Variants in C12orf42 observed in about 807,000 individuals in gnomAD.
C12orf42 encodes the protein uncharacterized protein C12orf42.
In C12orf42, 25 loss-of-function variants were observed where a neutral mutation model predicts 21.6. That is an observed-to-expected ratio of 1.16 (90% CI 0.84 to 1.62). The LOEUF (loss-of-function observed/expected upper bound fraction) is 1.62. C12orf42 is among the 40% of genes most tolerant of loss of function. C12orf42 has a pLI of 0.00. For synonymous variants in C12orf42, 174 were observed against 175.0 expected (o/e 0.99, Z 0.05); for missense variants, 483 against 459.3 (o/e 1.05, Z -0.47).
At chr12:103,213,387 T>C in the C12orf42 span, among the ~76,000 whole-genome samples, 1 of 152,184 alleles carries the variant, frequency 6.6e-6, no homozygotes, top group Admixed American at 6.5e-5. Flanking sequence ...AAAAATTTTG[T>C]AAATCTCTTT....
chr12:103,345,064 CTG>C, intron 4 of C12orf42, among the ~76,000 whole-genome samples: 1 of 152,192 alleles, frequency 6.6e-6, no homozygotes, highest in Non-Finnish European at 1.5e-5. Context: ...TTTATAAGCA[CTG>C]TGACCTCAGT....
chr12:103,454,375 G>C (rs534946216), intron 2 of C12orf42, among the ~76,000 whole-genome samples: 1 of 152,160 alleles, frequency 6.6e-6, no homozygotes, highest in East Asian at 1.9e-4. Flanking sequence ...ATAATCTTAA[G>C]TCATTAAGAA....
intron 10 of C12orf42, among the ~76,000 whole-genome samples, chr12:103,244,253 A>T (rs758357883): frequency 5.9e-5 from 9 of 152,088 alleles, no homozygotes; most frequent in African/African-American, 9.7e-5. Context: ...TGTCAACCTA[A>T]CAAGGGCTCT....
At chr12:103,452,855 A>C (rs1175102305) in intron 2 of C12orf42, among the ~76,000 whole-genome samples, 1 of 151,758 alleles carries the variant, frequency 6.6e-6, no homozygotes, top group African/African-American at 2.4e-5. Flanking sequence ...GAAGAGGAAC[A>C]TCACACACTG....
chr12:103,525,479 T>C, the C12orf42 span, among the ~76,000 whole-genome samples: 1 of 152,206 alleles, frequency 6.6e-6, no homozygotes, highest in African/African-American at 2.4e-5. Flanking sequence ...ATGTTGATGA[T>C]GGTGATGATG....
chr12:103,114,624 C>G, the C12orf42 span, among the ~76,000 whole-genome samples: 2 of 152,140 alleles, frequency 1.3e-5, no homozygotes, highest in Admixed American at 6.5e-5. Flanking sequence ...TGCCCCTCAG[C>G]TTTGTATATT....
chr12:103,406,280 G>A (rs2048420682), intron 2 of C12orf42, among the ~76,000 whole-genome samples: 1 of 152,178 alleles, frequency 6.6e-6, no homozygotes, highest in African/African-American at 2.4e-5. Flanking sequence ...AAGCTCCCAG[G>A]TGATGTTGGT....
chr12:103,294,473 A>AGAAAGAAAGAAAGAAG (rs1566025507), intron 4 of C12orf42, among the ~76,000 whole-genome samples: 5 of 91,054 alleles, frequency 5.5e-5, no homozygotes, highest in Admixed American at 3.2e-4. Context: ...AAAGAAAGAA[A>AGAAAGAAAGAAAGAAG]TAAGCAAGCA....
intron 3 of C12orf42, among the ~76,000 whole-genome samples, chr12:103,387,912 CTTTTT>C (rs1206353193): frequency 6.6e-6 from 1 of 151,888 alleles, no homozygotes; most frequent in South Asian, 2.1e-4. Context: ...CTCTTTTTTT[CTTTTT>C]TAACACATTT....
intron 1 of C12orf42, among the ~76,000 whole-genome samples, chr12:103,487,309 G>T (rs561884402): frequency 5.3e-5 from 8 of 152,168 alleles, no homozygotes; most frequent in Non-Finnish European, 1.0e-4. Context: ...ATTGCACTGT[G>T]GTCTCAGAGA....
At chr12:103,146,475 G>C in the C12orf42 span, among the ~76,000 whole-genome samples, 1 of 120,472 alleles carries the variant, frequency 8.3e-6, no homozygotes, top group African/African-American at 3.2e-5. Context: ...GTGAGACCCT[G>C]TCTCAAAAAA....
chr12:103,078,594 C>G, the C12orf42 span, among the ~76,000 whole-genome samples: 1 of 152,134 alleles, frequency 6.6e-6, no homozygotes, highest in Admixed American at 6.5e-5. Flanking sequence ...ATGGACTATG[C>G]TTCATATAGT....
chr12:103,155,568 T>C, the C12orf42 span, among the ~76,000 whole-genome samples: 2 of 152,132 alleles, frequency 1.3e-5, no homozygotes, highest in Admixed American at 6.6e-5. Context: ...AGAGAGCACA[T>C]TGGGATGCTC....
chr12:103,056,746 G>A, the C12orf42 span, among the ~76,000 whole-genome samples: 7 of 151,954 alleles, frequency 4.6e-5, no homozygotes, highest in South Asian at 1.0e-3. Flanking sequence ...GGACACATCC[G>A]TTGAGTTTTT....
chr12:103,152,922 A>G, the C12orf42 span, among the ~76,000 whole-genome samples: 13 of 152,282 alleles, frequency 8.5e-5, no homozygotes, highest in Admixed American at 2.0e-4. Context: ...AATCCCCCAC[A>G]AACTAACCTA....
intron 3 of C12orf42, among the ~76,000 whole-genome samples, chr12:103,386,783 T>C (rs1033155783): frequency 1.3e-5 from 2 of 152,182 alleles, no homozygotes; most frequent in African/African-American, 2.4e-5. Flanking sequence ...TGTCGGACTG[T>C]TGACCGAGAC....
At chr12:103,554,313 G>C in the C12orf42 span, among the ~76,000 whole-genome samples, 1 of 152,158 alleles carries the variant, frequency 6.6e-6, no homozygotes, top group East Asian at 1.9e-4. Flanking sequence ...AAAACCAGGT[G>C]GTGGGGAGAA....
chr12:103,101,016 C>T, the C12orf42 span, among the ~76,000 whole-genome samples: 2 of 152,178 alleles, frequency 1.3e-5, no homozygotes, highest in Non-Finnish European at 1.5e-5. Context: ...AGGTTCGAAT[C>T]CTGGCTCTTA....
chr12:103,166,201 T>A, the C12orf42 span, among the ~76,000 whole-genome samples: 1 of 152,140 alleles, frequency 6.6e-6, no homozygotes, highest in South Asian at 2.1e-4. Context: ...GTGCAAGTAA[T>A]ATGAATGTCT....
Sources: allele counts gnomAD v4.1 joint callset (sites outside exome capture counted in the v4.1 genomes callset), GRCh38; gene constraint gnomAD v4.1.1; transcripts MANE v1.5; gene names NCBI Gene and HGNC (gene_info 2026-07-23, HGNC 2026-07-21).